Variants in ZMIZ1 observed in about 807,000 individuals in gnomAD.
ZMIZ1 encodes the protein zinc finger MIZ domain-containing protein 1.
In ZMIZ1, 17 loss-of-function variants were observed where a neutral mutation model predicts 113.9. The observed-to-expected ratio is 0.15, with a 90% confidence interval of 0.10 to 0.22. The LOEUF is 0.22. Ranked by LOEUF, ZMIZ1 falls within the 10% of genes least tolerant of loss-of-function variation. The pLI is 1.00. For missense variants in ZMIZ1, 1,059 were observed against 1,477.8 expected, an observed-to-expected ratio of 0.72 and a Z score of 4.65; for synonymous variants, 607 against 603.1, an observed-to-expected ratio of 1.01 and a Z score of -0.09.
At chr10:79,083,343 A>G (rs55872506) in intron 1 of ZMIZ1, among the ~76,000 whole-genome samples, 19,809 of 152,144 alleles carry the variant, frequency 0.13, 1,420 homozygotes, top group East Asian at 0.2. Context: ...AGCATGTGCA[A>G]AGGCCCTGTG....
At chr10:79,279,869 G>A (rs181687450) in intron 8 of ZMIZ1, among the ~76,000 whole-genome samples, 3 of 152,324 alleles carry the variant, frequency 2.0e-5, no homozygotes, top group African/African-American at 7.2e-5. Flanking sequence ...GGCTGAGGCA[G>A]GAGAATCAGG....
At chr10:79,249,772 G>C (rs1589487175) in intron 7 of ZMIZ1, among the ~76,000 whole-genome samples, 1 of 152,180 alleles carries the variant, frequency 6.6e-6, no homozygotes, top group South Asian at 2.1e-4. Flanking sequence ...TGTGGCCCGC[G>C]GGCCTACCCT....
rs770617682 is a variant in ZMIZ1 at position 79,175,961 on chromosome 10, A to AAAAC, written c.-50+13839_-50+13842dup. Among the ~76,000 whole-genome samples the AAAAC allele has an allele frequency of 3.9e-5, 6 of 152,048 alleles. 1 individual carries two copies. The highest frequency in any genetic ancestry group is 8.8e-5 in the Non-Finnish European group (6 of 67,974). On this transcript the variant is annotated intron_variant, in intron 4 of 24. Transcript: ENST00000334512. ...GGCAGAGAGGGGAGAGTTTGTGAAT[A>AAAAC]AAACAAACAAACAAGGGATTATTTT... is the stretch of plus-strand genomic sequence containing the variant.
At chr10:79,127,398 G>T (rs1844566321) in intron 2 of ZMIZ1, among the ~76,000 whole-genome samples, 1 of 152,148 alleles carries the variant, frequency 6.6e-6, no homozygotes, top group African/African-American at 2.4e-5. Flanking sequence ...TCCCCCAGCA[G>T]TTTGCACAGC....
At chr10:79,209,524 G>A (rs535350867) in intron 6 of ZMIZ1, among the ~76,000 whole-genome samples, 11 of 152,364 alleles carry the variant, frequency 7.2e-5, no homozygotes, top group South Asian at 4.1e-4. Context: ...AGGGGAGCCC[G>A]CCTATCCTGA....
At chr10:79,070,598 A>G (rs1175965115) in intron 1 of ZMIZ1, among the ~76,000 whole-genome samples, 3 of 150,828 alleles carry the variant, frequency 2.0e-5, no homozygotes, top group East Asian at 2.0e-4. Context: ...CTACCCCTCT[A>G]CCTGCAGCAA....
intron 2 of ZMIZ1, among the ~76,000 whole-genome samples, chr10:79,119,760 T>C (rs1264995643): frequency 2.0e-5 from 3 of 152,078 alleles, no homozygotes; most frequent in Non-Finnish European, 4.4e-5. Context: ...CCATTTGTGA[T>C]GTGATGTGGC....
Position 79,296,509 on chromosome 10 carries a change from G to C in ZMIZ1, c.1269G>C (p.Gln423His). 13 of 1,613,980 alleles carry C rather than the reference G, an allele frequency of 8.1e-6. No homozygotes were observed. The highest frequency in any genetic ancestry group is 1.1e-5 in the Non-Finnish European group (13 of 1,179,972). ...YGNQQYGPNSQFPTQPGQYPA... is the reference protein window; with the variant it reads ...YGNQQYGPNSHFPTQPGQYPA... Reference sequence around the variant, plus strand: ...ACCAGCAATATGGACCAAACAGCCAGTTCCCCACCCAGCCAGGCCAGTACC... The same window carrying C: ...ACCAGCAATATGGACCAAACAGCCACTTCCCCACCCAGCCAGGCCAGTACC... The change falls in exon 13 of 25, where the codon CAG (glutamine) becomes CAC (histidine). Residue 423 changes from glutamine (Q) to histidine (H), a missense_variant. Physicochemically the swap from Gln to His is conservative, Grantham distance 24. Transcript: ENST00000334512. This position sits in a 1 kb window ranked among gnomAD's most constrained non-coding sequence, Gnocchi z 4.1.
intron 2 of ZMIZ1, among the ~76,000 whole-genome samples, chr10:79,119,424 A>C (rs770987969): frequency 6.6e-6 from 1 of 152,238 alleles, no homozygotes; most frequent in Admixed American, 6.5e-5. Flanking sequence ...TTCTTTCAGC[A>C]TCACAGCAGC....
intron 7 of ZMIZ1, among the ~76,000 whole-genome samples, chr10:79,270,052 G>A (rs1029105770): frequency 1.3e-5 from 2 of 152,222 alleles, no homozygotes; most frequent in East Asian, 1.9e-4. Context: ...AGTCCTGGGC[G>A]TCTGTGCTGC....
intron 1 of ZMIZ1, among the ~76,000 whole-genome samples, chr10:79,098,124 C>T (rs1356346493): frequency 6.6e-6 from 1 of 152,126 alleles, no homozygotes; most frequent in Non-Finnish European, 1.5e-5. Flanking sequence ...ACCTAAGGGT[C>T]AGGAGAAAAT....
chr10:79,186,259 T>A (rs556633631), intron 4 of ZMIZ1, among the ~76,000 whole-genome samples: 2 of 152,358 alleles, frequency 1.3e-5, no homozygotes, highest in East Asian at 3.9e-4. Context: ...TTGGGTGATC[T>A]AAGCAGTTAA....
At position 79,262,060 on chromosome 10, in the gene ZMIZ1, A is replaced by G. The variant is rs370197229; in HGVS notation, c.281-15121A>G. Reference sequence around the variant, plus strand: ...GTATCAGCGAACGTTTGCCAAGCACATGCTTCTGCTGGCCCTAAGAACTTG... The same window carrying G: ...GTATCAGCGAACGTTTGCCAAGCACGTGCTTCTGCTGGCCCTAAGAACTTG... On this transcript the variant is annotated intron_variant, in intron 7 of 24. Coordinates refer to ENST00000334512, the MANE Select transcript of ZMIZ1 (RefSeq NM_020338.4). Among the ~76,000 whole-genome samples, 39 of 152,334 alleles carry G rather than the reference A, an allele frequency of 2.6e-4. No individual in the cohort carries two copies. The East Asian group carries it at 5.6e-3, about 22-fold the overall frequency.
intron 8 of ZMIZ1, among the ~76,000 whole-genome samples, chr10:79,285,868 G>A (rs2132008885): frequency 6.6e-6 from 1 of 152,352 alleles, no homozygotes; most frequent in Middle Eastern, 3.4e-3. Flanking sequence ...GCCTGGAAAG[G>A]ATGAATGGCA....
chr10:79,216,433 AC>A (rs990865972), intron 7 of ZMIZ1, 159 bp downstream of exon 7: 1 of 584,006 alleles, frequency 1.7e-6, no homozygotes, highest in Non-Finnish European at 2.9e-6. Flanking sequence ...AGGCTCTGGG[AC>A]CCACAGTTGG....
At chr10:79,116,290 C>T (rs1844025875) in intron 1 of ZMIZ1, among the ~76,000 whole-genome samples, 1 of 152,014 alleles carries the variant, frequency 6.6e-6, no homozygotes, top group African/African-American at 2.4e-5. Flanking sequence ...TGTCTCGACC[C>T]TGGGGGAAGA....
At chr10:79,182,700 C>A (rs955654568) in intron 4 of ZMIZ1, among the ~76,000 whole-genome samples, 7 of 152,198 alleles carry the variant, frequency 4.6e-5, no homozygotes, top group Non-Finnish European at 8.8e-5. Flanking sequence ...GAAAACACAG[C>A]GGAGTGGTTC....
At chr10:79,191,433 G>T (rs374966144) in intron 4 of ZMIZ1, among the ~76,000 whole-genome samples, 1 of 152,030 alleles carries the variant, frequency 6.6e-6, no homozygotes. Flanking sequence ...AAGGGCCCTC[G>T]GGTAACTGTT....
chr10:79,289,871 C>T lies in ZMIZ1; in HGVS notation c.522C>T (p.Thr174=). Residue 174 remains threonine, a synonymous_variant, in exon 9 of 25, where the codon ACC becomes ACT. Transcript: ENST00000334512. The part of the protein sequence containing the change: ...LSVVTTVWGV[T]NTSQSQVLGN... ...TGGTCACCACGGTTTGGGGAGTAAC[C>T]AACACATCCCAGAGCCAGGTAAGAG... 6.2e-7 allele frequency: 1 copy of T among 1,614,024 alleles called. No homozygotes were observed. Among genetic ancestry groups the T allele is most frequent in the Non-Finnish European group, 8.5e-7 (1 of 1,179,896 alleles).
Sources: gnomAD v4.1 joint callset for allele counts (sites outside exome capture counted in the v4.1 genomes callset) on GRCh38, gnomAD v4.1.1 for gene constraint, Gnocchi (gnomAD v3.1) non-coding constraint, MANE v1.5 for transcripts, NCBI Gene and HGNC (gene_info 2026-07-23, HGNC 2026-07-21) for gene names.